SPMIP2: variants seen among roughly 807,000 people sequenced by gnomAD.
The protein encoded by SPMIP2 is sperm microtubule inner protein 2.
At chr4:159,020,818 G>C in the SPMIP2 span, among the ~76,000 whole-genome samples, 2 of 152,172 alleles carry the variant, frequency 1.3e-5, no homozygotes, top group Admixed American at 1.3e-4. Flanking sequence ...CTGGAGTGCA[G>C]TGGCGCTATC....
the SPMIP2 span, among the ~76,000 whole-genome samples, chr4:158,951,802 A>T: frequency 6.6e-6 from 1 of 152,234 alleles, no homozygotes; most frequent in Non-Finnish European, 1.5e-5. Flanking sequence ...CTAGGTGACT[A>T]GCTGAAATAT....
the SPMIP2 span, among the ~76,000 whole-genome samples, chr4:159,025,207 C>T: frequency 1.2e-4 from 18 of 152,298 alleles, no homozygotes; most frequent in East Asian, 1.7e-3. Context: ...CTCTGTCGCA[C>T]AGGCTGGAGT....
chr4:158,944,427 T>C, the SPMIP2 span, among the ~76,000 whole-genome samples: 1 of 152,202 alleles, frequency 6.6e-6, no homozygotes, highest in African/African-American at 2.4e-5. Flanking sequence ...CTGTATCTTC[T>C]TTCATGGCTC....
At chr4:159,051,924 A>C in the SPMIP2 span, among the ~76,000 whole-genome samples, 426 of 151,958 alleles carry the variant, frequency 2.8e-3, 1 homozygote, top group African/African-American at 9.4e-3. Context: ...CCTCTCCTTC[A>C]CAGGCATCTC....
At chr4:158,965,370 A>C in the SPMIP2 span, among the ~76,000 whole-genome samples, 1 of 152,144 alleles carries the variant, frequency 6.6e-6, no homozygotes, top group East Asian at 1.9e-4. Flanking sequence ...GATTCCTAGC[A>C]GGGTCTGAAA....
chr4:158,939,211 TTATC>T, the SPMIP2 span, among the ~76,000 whole-genome samples: 1 of 152,218 alleles, frequency 6.6e-6, no homozygotes, highest in South Asian at 2.1e-4. Context: ...TTGGATAAGT[TTATC>T]TATCCAGATG....
chr4:158,976,565 T>C, the SPMIP2 span, among the ~76,000 whole-genome samples: 14 of 152,162 alleles, frequency 9.2e-5, no homozygotes, highest in Non-Finnish European at 1.9e-4. Context: ...TGTCATTGGT[T>C]CTGTTTATGT....
chr4:158,925,916 G>C, the SPMIP2 span, among the ~76,000 whole-genome samples: 1 of 152,156 alleles, frequency 6.6e-6, no homozygotes, highest in African/African-American at 2.4e-5. Flanking sequence ...CTTCCACCTA[G>C]ACAGCCATCT....
chr4:158,969,792 C>G, the SPMIP2 span, among the ~76,000 whole-genome samples: 1 of 152,174 alleles, frequency 6.6e-6, no homozygotes, highest in Non-Finnish European at 1.5e-5. Flanking sequence ...TTAGGCAGAA[C>G]AGCTGTTAGA....
the SPMIP2 span, among the ~76,000 whole-genome samples, chr4:158,986,422 G>T: frequency 6.6e-6 from 1 of 152,168 alleles, no homozygotes; most frequent in Non-Finnish European, 1.5e-5. Context: ...CCATGGTACT[G>T]GTATCAAAAC....
the SPMIP2 span, among the ~76,000 whole-genome samples, chr4:158,960,662 C>T: frequency 6.6e-6 from 1 of 152,082 alleles, no homozygotes; most frequent in African/African-American, 2.4e-5. Flanking sequence ...TCTAAATAAG[C>T]GAGCATTCTA....
At chr4:158,899,834 GTC>G in the SPMIP2 span, among the ~76,000 whole-genome samples, 2 of 151,936 alleles carry the variant, frequency 1.3e-5, no homozygotes, top group East Asian at 3.9e-4. Flanking sequence ...GGTTTTTTGT[GTC>G]TCTATCTCGT....
chr4:158,939,001 AATTCC>A, the SPMIP2 span, among the ~76,000 whole-genome samples: 1 of 152,200 alleles, frequency 6.6e-6, no homozygotes, highest in Admixed American at 6.5e-5. Context: ...AAGGTCTTCC[AATTCC>A]AACAGTTTGG....
the SPMIP2 span, among the ~76,000 whole-genome samples, chr4:158,961,475 T>A: frequency 6.6e-6 from 1 of 152,124 alleles, no homozygotes; most frequent in African/African-American, 2.4e-5. Flanking sequence ...TTGAACATAA[T>A]CTGCATATAA....
the SPMIP2 span, among the ~76,000 whole-genome samples, chr4:159,055,640 G>A: frequency 6.6e-6 from 1 of 152,138 alleles, no homozygotes; most frequent in Non-Finnish European, 1.5e-5. Context: ...AGCCCAGGAA[G>A]TTGAAGCTGC....
chr4:159,006,044 G>A, the SPMIP2 span, among the ~76,000 whole-genome samples: 6 of 152,326 alleles, frequency 3.9e-5, no homozygotes, highest in East Asian at 5.8e-4. Flanking sequence ...GGTTACAGGC[G>A]TGAGCCACCG....
chr4:158,950,734 A>G, the SPMIP2 span, among the ~76,000 whole-genome samples: 4 of 152,256 alleles, frequency 2.6e-5, no homozygotes, highest in Admixed American at 6.5e-5. Flanking sequence ...CATCTCTACT[A>G]AAAACACAAA....
the SPMIP2 span, chr4:158,960,226 C>A: frequency 2.0e-6 from 2 of 1,001,306 alleles, no homozygotes; most frequent in Non-Finnish European, 3.0e-6. Context: ...AAAATGAATC[C>A]TGTTACCAAT....
the SPMIP2 span, among the ~76,000 whole-genome samples, chr4:159,006,184 A>G: frequency 6.6e-6 from 1 of 152,244 alleles, no homozygotes; most frequent in African/African-American, 2.4e-5. Context: ...TACAATACTT[A>G]AAGCTGGTGG....
Sources: gnomAD v4.1 joint callset for allele counts (sites outside exome capture counted in the v4.1 genomes callset) on GRCh38, gnomAD v4.1.1 for gene constraint, MANE v1.5 for transcripts, NCBI Gene and HGNC (gene_info 2026-07-23, HGNC 2026-07-21) for gene names.